BMERB1: variants seen among roughly 807,000 people sequenced by gnomAD.
The protein encoded by BMERB1 is bMERB domain containing 1.
A neutral mutation model predicts 23.6 loss-of-function variants in BMERB1; 12 were observed. The ratio of observed to expected loss-of-function variants is 0.51; its 90% CI spans 0.33 to 0.82. BMERB1 has a LOEUF of 0.82. Among genes scored for constraint, BMERB1 ranks in the 40% least tolerant of loss-of-function variants. The probability of loss-of-function intolerance (pLI) is 0.03; values close to 1 mark genes in which losing one functional copy is unlikely to be tolerated. For missense variants in BMERB1, 247 were observed against 255.4 expected, an observed-to-expected ratio of 0.97 and a Z score of 0.22; for synonymous variants, 122 against 96.6, an observed-to-expected ratio of 1.26 and a Z score of -1.54.
intron 2 of BMERB1, among the ~76,000 whole-genome samples, chr16:15,532,388 C>T (rs1237208892): frequency 6.6e-6 from 1 of 151,172 alleles, no homozygotes; most frequent in African/African-American, 2.4e-5. Context: ...CCCGCCACTG[C>T]TCCCAGCTAA....
At chr16:15,552,482 A>G (rs899611099) in intron 2 of BMERB1, among the ~76,000 whole-genome samples, 1 of 152,076 alleles carries the variant, frequency 6.6e-6, no homozygotes, top group African/African-American at 2.4e-5. Flanking sequence ...AACTCACAAC[A>G]CTTACTGTCT....
intron 1 of BMERB1, among the ~76,000 whole-genome samples, chr16:15,458,003 C>G (rs758191780): frequency 1.5e-4 from 23 of 152,170 alleles, no homozygotes; most frequent in Non-Finnish European, 2.2e-4. Context: ...CTCACTATCA[C>G]GAGAACAGCA....
chr16:15,574,236 A>G (rs1260242665), intron 3 of BMERB1, among the ~76,000 whole-genome samples: 4 of 152,178 alleles, frequency 2.6e-5, no homozygotes, highest in African/African-American at 9.7e-5. Flanking sequence ...CTCGCTCACT[A>G]TCACGAGAAC....
At chr16:15,537,119 C>T (rs1466426673) in intron 2 of BMERB1, among the ~76,000 whole-genome samples, 2 of 151,990 alleles carry the variant, frequency 1.3e-5, no homozygotes, top group African/African-American at 2.4e-5. Flanking sequence ...TATTGAAGTC[C>T]GTTGATTATG....
rs201388461 is a variant in BMERB1, at chr16:15,565,330, T to G, written c.231-2653T>G. Reference sequence around the variant, plus strand: ...TAAAATGAAAATATGATTTCTGTCCTCTGGTTTTTCCTAGGATAGTTGTCA... The same window carrying G: ...TAAAATGAAAATATGATTTCTGTCCGCTGGTTTTTCCTAGGATAGTTGTCA... On this transcript the variant is annotated intron_variant, in intron 2 of 5. Transcript: ENST00000300006. 1.4e-4 allele frequency among the ~76,000 whole-genome samples: 21 copies of G among 152,342 alleles called. No homozygotes were observed. In the East Asian group the frequency reaches 4.1e-3, roughly 29 times the overall value.
intron 2 of BMERB1, among the ~76,000 whole-genome samples, chr16:15,561,529 A>T (rs1187013423): frequency 6.6e-6 from 1 of 151,896 alleles, no homozygotes; most frequent in Non-Finnish European, 1.5e-5. Context: ...TCGGCCTCCC[A>T]AAGTGCTGGG....
chr16:15,555,782 A>G (rs984613952), intron 2 of BMERB1, among the ~76,000 whole-genome samples: 6 of 152,162 alleles, frequency 3.9e-5, no homozygotes, highest in Non-Finnish European at 8.8e-5. Flanking sequence ...ACTTATCAAC[A>G]CTTATCCTTA....
chr16:15,501,942 G>C (rs1158572635), intron 1 of BMERB1, among the ~76,000 whole-genome samples: 2 of 152,148 alleles, frequency 1.3e-5, no homozygotes, highest in African/African-American at 4.8e-5. Context: ...TTTAGAATGT[G>C]GTTCCTGGAA....
chr16:15,495,760 G>T (rs1435339932), intron 1 of BMERB1, among the ~76,000 whole-genome samples: 1 of 152,148 alleles, frequency 6.6e-6, no homozygotes, highest in African/African-American at 2.4e-5. Context: ...AAGACCTTTG[G>T]TGCTTCTCAT....
chr16:15,492,690 G>A (rs750413250), intron 1 of BMERB1, among the ~76,000 whole-genome samples: 10 of 151,954 alleles, frequency 6.6e-5, no homozygotes, highest in Admixed American at 3.9e-4. Flanking sequence ...AGGCTGAGGC[G>A]GGTGGATTAC....
chr16:15,524,522 C>T (rs1476610818), intron 2 of BMERB1, among the ~76,000 whole-genome samples: 1 of 152,126 alleles, frequency 6.6e-6, no homozygotes, highest in Non-Finnish European at 1.5e-5. Flanking sequence ...AATCCCAGCA[C>T]TTTGGGAGGC....
intron 1 of BMERB1, among the ~76,000 whole-genome samples, chr16:15,452,245 C>T (rs1171075046): frequency 1.4e-5 from 2 of 143,032 alleles, no homozygotes; most frequent in East Asian, 2.2e-4. Flanking sequence ...TGGGCCACTG[C>T]GCTCCAGCCT....
intron 5 of BMERB1, among the ~76,000 whole-genome samples, chr16:15,586,332 A>G (rs1304782780): frequency 1.3e-5 from 2 of 152,216 alleles, no homozygotes; most frequent in African/African-American, 4.8e-5. Flanking sequence ...AGCATTTTCA[A>G]AAATTGAAAA....
At chr16:15,543,799 CCA>C (rs753674087) in intron 2 of BMERB1, among the ~76,000 whole-genome samples, 44 of 152,042 alleles carry the variant, frequency 2.9e-4, no homozygotes, top group Non-Finnish European at 4.4e-4. Flanking sequence ...CCAGCCTGGA[CCA>C]CAGAGCAAGA....
intron 5 of BMERB1, 21 bp from the exon 6 acceptor site, chr16:15,586,694 CCT>C (rs1219616594): frequency 1.3e-6 from 2 of 1,571,176 alleles, no homozygotes; most frequent in African/African-American, 2.7e-5. Context: ...TCCCCCTCTC[CCT>C]GTGCCCACAT....
intron 2 of BMERB1, among the ~76,000 whole-genome samples, chr16:15,522,086 TTAAG>T (rs1422534419): frequency 2.6e-5 from 4 of 152,206 alleles, no homozygotes; most frequent in Non-Finnish European, 5.9e-5. Context: ...TTTCAGATAA[TTAAG>T]TATCTTTGGC....
At chr16:15,462,441 C>T (rs1567455565) in intron 1 of BMERB1, among the ~76,000 whole-genome samples, 1 of 152,014 alleles carries the variant, frequency 6.6e-6, no homozygotes, top group Non-Finnish European at 1.5e-5. Flanking sequence ...TGTGAGCCAC[C>T]ACACCTGGCC....
intron 2 of BMERB1, among the ~76,000 whole-genome samples, chr16:15,523,938 C>CT (rs2051881164): frequency 6.6e-6 from 1 of 152,198 alleles, no homozygotes; most frequent in African/African-American, 2.4e-5. Context: ...GGTGCCAACT[C>CT]TCTTGAGAGT....
intron 1 of BMERB1, among the ~76,000 whole-genome samples, chr16:15,495,731 G>A (rs1185988162): frequency 6.6e-6 from 1 of 152,134 alleles, no homozygotes. Context: ...AGTATTTGTG[G>A]ACATTGCAGG....
Sources: allele counts gnomAD v4.1 joint callset (sites outside exome capture counted in the v4.1 genomes callset), GRCh38; gene constraint gnomAD v4.1.1; transcripts MANE v1.5; gene names NCBI Gene and HGNC (gene_info 2026-07-23, HGNC 2026-07-21).